The following NTAQ1 variants were observed in gnomAD, a reference collection of about 807,000 sequenced individuals.
NTAQ1 encodes the protein protein N-terminal glutamine amidohydrolase.
In NTAQ1, 21 loss-of-function variants were observed where a neutral mutation model predicts 28.2. The observed-to-expected ratio is 0.74, with a 90% CI of 0.53 to 1.07. NTAQ1 has a LOEUF of 1.07. NTAQ1 is among the 50% of genes least tolerant of loss of function. NTAQ1 has a pLI of 0.00. For synonymous variants in NTAQ1, 105 were observed against 90.0 expected (o/e 1.17, Z -0.94); for missense variants, 264 against 256.6 (o/e 1.03, Z -0.20).
At chr8:123,420,743 T>A (rs886697260) in intron 1 of NTAQ1, among the ~76,000 whole-genome samples, 8 of 151,902 alleles carry the variant, frequency 5.3e-5, no homozygotes, top group Admixed American at 2.6e-4. Flanking sequence ...CAGGTGGGCA[T>A]CACCACTTTT....
downstream of NTAQ1, among the ~76,000 whole-genome samples, chr8:123,470,570 A>G (rs1397251374): frequency 6.6e-6 from 1 of 152,252 alleles, no homozygotes; most frequent in Non-Finnish European, 1.5e-5. Flanking sequence ...CACTTATTTC[A>G]TAAGACAACT....
exon 7 of NTAQ1, among the ~76,000 whole-genome samples, chr8:123,469,797 GTA>G (rs1816024032): frequency 6.6e-6 from 1 of 152,204 alleles, no homozygotes; most frequent in South Asian, 2.1e-4. Context: ...ATATAGGTGT[GTA>G]TAAGAGGCAA....
chr8:123,455,951 C>T (rs1815637795), intron 6 of NTAQ1, among the ~76,000 whole-genome samples: 1 of 152,126 alleles, frequency 6.6e-6, no homozygotes, highest in South Asian at 2.1e-4. Flanking sequence ...TGTATCTCAG[C>T]CCATTCATGT....
chr8:123,474,220 T>C (rs1816068849), downstream of NTAQ1, among the ~76,000 whole-genome samples: 1 of 152,224 alleles, frequency 6.6e-6, no homozygotes, highest in Admixed American at 6.5e-5. Flanking sequence ...CGGTTTTTTC[T>C]GATCCAGGAT....
chr8:123,440,977 T>G (rs1273411882), intron 5 of NTAQ1, among the ~76,000 whole-genome samples: 1 of 152,182 alleles, frequency 6.6e-6, no homozygotes, highest in African/African-American at 2.4e-5. Context: ...TCTTGGTGCT[T>G]CTTTCCCTGG....
In NTAQ1 at chr8:123,439,707, C is replaced by A. The variant is rs140779742; in HGVS notation, c.509-1599C>A. The stretch of plus-strand genomic sequence containing the variant: ...GTTTTGCCATGTGGGCTAGGCTGGT[C>A]TTGAACTCTTGGCCTCAGGTGATCC... On this transcript the variant is annotated intron_variant, in intron 5 of 5. Transcript: ENST00000287387. Among the ~76,000 whole-genome samples the A allele has an allele frequency of 6.5e-3, 981 of 151,978 alleles. 17 individuals carry two copies. Among genetic ancestry groups the A allele is most frequent in the African/African-American group, 0.023 (937 of 41,470 alleles).
downstream of NTAQ1, among the ~76,000 whole-genome samples, chr8:123,448,650 C>T: frequency 6.6e-6 from 1 of 152,184 alleles, no homozygotes; most frequent in African/African-American, 2.4e-5. Context: ...TGGTGTAAGC[C>T]TCTGTGTCCT....
exon 7 of NTAQ1, among the ~76,000 whole-genome samples, chr8:123,469,631 A>C (rs752222875): frequency 3.9e-5 from 6 of 152,246 alleles, no homozygotes; most frequent in Non-Finnish European, 8.8e-5. Context: ...AAAAATACTA[A>C]AATGTGAATA....
intron 1 of NTAQ1, among the ~76,000 whole-genome samples, chr8:123,421,133 G>C (rs557414278): frequency 1.6e-4 from 25 of 152,002 alleles, no homozygotes; most frequent in African/African-American, 5.6e-4. Context: ...ACCCAGGCTG[G>C]AGTGCAGTGG....
chr8:123,461,780 G>A (rs976079700), intron 6 of NTAQ1, among the ~76,000 whole-genome samples: 1 of 152,130 alleles, frequency 6.6e-6, no homozygotes, highest in African/African-American at 2.4e-5. Flanking sequence ...AGAGCAAGAG[G>A]AAGTATGTGA....
chr8:123,450,068 A>G (rs1815444901), downstream of NTAQ1, among the ~76,000 whole-genome samples: 1 of 147,898 alleles, frequency 6.8e-6, no homozygotes, highest in East Asian at 2.0e-4. Context: ...TTAAAGATAC[A>G]GGCCTCTATG....
At chr8:123,463,701 G>A (rs1815893446) in intron 6 of NTAQ1, among the ~76,000 whole-genome samples, 1 of 152,130 alleles carries the variant, frequency 6.6e-6, no homozygotes, top group Admixed American at 6.5e-5. Context: ...TATTGGGGGA[G>A]TGTTTGGGGC....
chr8:123,450,851 T>C (rs1468176155), downstream of NTAQ1, among the ~76,000 whole-genome samples: 1 of 152,258 alleles, frequency 6.6e-6, no homozygotes, highest in African/African-American at 2.4e-5. Flanking sequence ...TCTTTCTGCT[T>C]CATGTCTCCT....
At chr8:123,456,625 G>C (rs1490526911) in intron 6 of NTAQ1, among the ~76,000 whole-genome samples, 1 of 152,190 alleles carries the variant, frequency 6.6e-6, no homozygotes, top group East Asian at 1.9e-4. Flanking sequence ...TTACATGATT[G>C]CCTCAGGGGA....
chr8:123,435,710 T>C (rs571465733), intron 3 of NTAQ1, among the ~76,000 whole-genome samples: 56 of 151,498 alleles, frequency 3.7e-4, no homozygotes, highest in African/African-American at 1.2e-3. Context: ...CTACTAAAAA[T>C]ACAAAAATTA....
At chr8:123,423,098 T>C (rs1234756894) in intron 1 of NTAQ1, among the ~76,000 whole-genome samples, 1 of 152,216 alleles carries the variant, frequency 6.6e-6, no homozygotes, top group African/African-American at 2.4e-5. Context: ...ACAGCTTTGT[T>C]CTTTTTGCTT....
chr8:123,458,781 C>T (rs1055509952), intron 6 of NTAQ1, among the ~76,000 whole-genome samples: 9 of 151,770 alleles, frequency 5.9e-5, no homozygotes, highest in African/African-American at 1.9e-4. Context: ...CCAGCACGCC[C>T]GGCTAATTTT....
At chr8:123,466,262 A>G (rs1043014136) in intron 6 of NTAQ1, among the ~76,000 whole-genome samples, 1 of 152,174 alleles carries the variant, frequency 6.6e-6, no homozygotes, top group Non-Finnish European at 1.5e-5. Flanking sequence ...TCAGCTTACA[A>G]CTGTGCCACT....
chr8:123,460,498 G>A (rs1815791962), intron 6 of NTAQ1, among the ~76,000 whole-genome samples: 1 of 152,180 alleles, frequency 6.6e-6, no homozygotes, highest in Admixed American at 6.5e-5. Flanking sequence ...TCTAAGGAGG[G>A]GCATATTGCA....
Sources: gnomAD v4.1 joint callset for allele counts (sites outside exome capture counted in the v4.1 genomes callset) on GRCh38, gnomAD v4.1.1 for gene constraint, MANE v1.5 for transcripts, NCBI Gene and HGNC (gene_info 2026-07-23, HGNC 2026-07-21) for gene names.